The following SMARCAL1 variants were observed in gnomAD, a reference collection of about 807,000 sequenced individuals.
SMARCAL1 encodes ATP-driven annealing helicase.
Under a neutral mutation model 94.5 loss-of-function variants are expected in SMARCAL1, and 58 were observed. The ratio of observed to expected loss-of-function variants is 0.61; its 90% CI spans 0.50 to 0.76. The LOEUF (loss-of-function observed/expected upper bound fraction) is 0.76, where lower values mean the gene tolerates loss of function less well. Among genes scored for constraint, SMARCAL1 ranks in the 30% least tolerant of loss-of-function variants. The pLI is 0.00. For missense variants in SMARCAL1, 1,051 were observed against 1,177.9 expected (o/e 0.89, Z 1.58); for synonymous variants, 422 against 455.1 (o/e 0.93, Z 0.93).
At position 216,478,206 on chromosome 2, in the gene SMARCAL1, C is replaced by T. The variant is rs747379387; in HGVS notation, c.2532C>T (p.Pro844=). 3.7e-6 allele frequency: 6 copies of T among 1,614,006 alleles called. No homozygotes were observed. In the East Asian group the frequency reaches 1.1e-4, roughly 30 times the overall value. ...GCAGCTCATTTCTCCCCAACAGGCC[C>T]CTGATTCAAGAGAAGATTAAAGTTC... ...AKGTADDYLW[P]LIQEKIKVLA... is the part of the protein sequence containing the mutation. Residue 844 remains proline (P), a synonymous_variant, in exon 17 of 18, where the codon CCC becomes CCT. Transcript: ENST00000357276.
chr2:216,467,949 A>G lies in SMARCAL1; in HGVS notation c.2147A>G (p.Tyr716Cys), dbSNP rs758768369. Residue 716 changes from tyrosine (Y) to cysteine (C), a missense_variant, in exon 14 of 18, where the codon TAT (tyrosine) becomes TGT (cysteine). Coordinates refer to ENST00000357276, the MANE Select transcript of SMARCAL1 (RefSeq NM_014140.4). The stretch of plus-strand genomic sequence containing the variant: ...GTTGTCATTGTCAAATGCAGTGAAT[A>G]TATCTTGGACCTACTGGAAAGTGGA... ...AEAKIPSVIE[Y>C]ILDLLESGRE... The G allele has an allele frequency of 2.9e-5, 46 of 1,598,472 alleles. No homozygotes were observed. The highest frequency in any genetic ancestry group is 3.7e-5 in the Non-Finnish European group (43 of 1,165,922).
At chr2:216,449,287 C>T (rs1204062331) in intron 11 of SMARCAL1, among the ~76,000 whole-genome samples, 1 of 152,200 alleles carries the variant, frequency 6.6e-6, no homozygotes, top group Non-Finnish European at 1.5e-5. Flanking sequence ...TTGGGGGACA[C>T]ATTTAAGCCA....
At position 216,482,369 on chromosome 2, in the gene SMARCAL1, G is replaced by A. The variant is rs1329086977; in HGVS notation, c.2626-369G>A. Among the ~76,000 whole-genome samples, 1 of 152,182 alleles carries A rather than the reference G, an allele frequency of 6.6e-6. No homozygotes were observed. Among genetic ancestry groups the A allele is most frequent in the Non-Finnish European group, 1.5e-5 (1 of 68,036 alleles). On this transcript the variant is annotated intron_variant, in intron 17 of 17. Transcript: ENST00000357276. This position sits in a 1 kb window ranked among gnomAD's most constrained non-coding sequence, Gnocchi z 4.3. ...TATACCTTAACTGACCCTTAGTAGAGAAAGGCTTTGGAGGAAGTGAGATCT... is the reference window on the plus strand; with the variant it reads ...TATACCTTAACTGACCCTTAGTAGAAAAAGGCTTTGGAGGAAGTGAGATCT...
At chr2:216,435,636 T>C in intron 9 of SMARCAL1, 140 bp downstream of exon 9, 1 of 789,484 alleles carries the variant, frequency 1.3e-6, no homozygotes, top group East Asian at 2.7e-5. Flanking sequence ...CTTTATTTTG[T>C]GGGGAACTGG....
At position 216,478,291 on chromosome 2, in the gene SMARCAL1, C is replaced by T. The variant is rs935553158; in HGVS notation, c.2617C>T (p.Leu873Phe). Reference sequence around the variant, plus strand: ...AGAAATGACAGAATCCACTGATTACCTCTACAAGGTAATGCCAGCACATGG... The same window carrying T: ...AGAAATGACAGAATCCACTGATTACTTCTACAAGGTAATGCCAGCACATGG... Reference protein sequence around the residue: ...FSEMTESTDYLYKDPKQQKIY... With the variant: ...FSEMTESTDYFYKDPKQQKIY... Residue 873 changes from leucine to phenylalanine, a missense_variant, in exon 17 of 18, where the codon CTC becomes TTC. By Grantham distance (22) the Leu-to-Phe change is conservative. Coordinates refer to ENST00000357276, the MANE Select transcript of SMARCAL1 (RefSeq NM_014140.4). The T allele has an allele frequency of 1.9e-6, 3 of 1,612,136 alleles. No individual in the cohort carries two copies. The highest frequency in any genetic ancestry group is 2.5e-6 in the Non-Finnish European group (3 of 1,178,306).
At chr2:216,446,237 G>A (rs1037497426) in intron 10 of SMARCAL1, among the ~76,000 whole-genome samples, 2 of 152,124 alleles carry the variant, frequency 1.3e-5, no homozygotes, top group East Asian at 3.8e-4. Context: ...CATTGCTGTT[G>A]ACCAACTATT....
chr2:216,455,192 A>G (rs1359205975), intron 12 of SMARCAL1, among the ~76,000 whole-genome samples: 2 of 152,242 alleles, frequency 1.3e-5, no homozygotes, highest in African/African-American at 4.8e-5. Flanking sequence ...TAGGTAAACA[A>G]AGCAGCTGGG....
At chr2:216,421,517 C>T (rs1024957365) in intron 5 of SMARCAL1, among the ~76,000 whole-genome samples, 1 of 152,040 alleles carries the variant, frequency 6.6e-6, no homozygotes, top group Admixed American at 6.5e-5. Context: ...AGGCTTGTCT[C>T]GAACTTCTTC....
chr2:216,464,709 C>CTA, intron 13 of SMARCAL1, 42 bp downstream of exon 13: 1 of 813,258 alleles, frequency 1.2e-6, no homozygotes, highest in Non-Finnish European at 1.9e-6. Context: ...CTCTCATCTT[C>CTA]AAAAAAAAAA....
At chr2:216,451,949 C>T (rs1694459908) in intron 12 of SMARCAL1, among the ~76,000 whole-genome samples, 1 of 150,224 alleles carries the variant, frequency 6.7e-6, no homozygotes. Context: ...TGGGAGGTTA[C>T]AAAATAAATA....
rs970988060 is a variant in SMARCAL1, at chr2:216,475,641, A to G, written c.2427+190A>G. ...GTCTCTTTTTTTCTTTTTTTGAGAC[A>G]GAGTCTCTTATCACCCAGGCTGGAG... On this transcript the variant is annotated intron_variant, in intron 15 of 17. Coordinates refer to ENST00000357276, the MANE Select transcript of SMARCAL1 (RefSeq NM_014140.4). The surrounding 1 kb of genome is among the most constrained non-coding windows in gnomAD (Gnocchi z 4.4). Among the ~76,000 whole-genome samples, 11 of 151,990 alleles carry G rather than the reference A, an allele frequency of 7.2e-5. 1 individual carries two copies. The highest frequency in any genetic ancestry group is 2.7e-4 in the African/African-American group (11 of 41,372).
chr2:216,460,752 G>A (rs1486099740), intron 12 of SMARCAL1, among the ~76,000 whole-genome samples: 1 of 151,114 alleles, frequency 6.6e-6, no homozygotes, highest in Admixed American at 6.6e-5. Flanking sequence ...GAGTTAATGG[G>A]TGCAGCACAC....
chr2:216,472,043 T>G (rs1424261630), intron 14 of SMARCAL1, among the ~76,000 whole-genome samples: 1 of 152,124 alleles, frequency 6.6e-6, no homozygotes, highest in Non-Finnish European at 1.5e-5. Flanking sequence ...AGCTGTTGTA[T>G]GTATAATAAT....
In SMARCAL1 at chr2:216,482,431, A is replaced by G. The variant is rs1376909037; in HGVS notation, c.2626-307A>G. The stretch of plus-strand genomic sequence containing the variant: ...TCAGTATTGAAATAATGATTTGGAA[A>G]GTTCAAAGGGAGAAAACATTTCCAA... On this transcript the variant is annotated intron_variant, in intron 17 of 17. Coordinates refer to ENST00000357276, the MANE Select transcript of SMARCAL1 (RefSeq NM_014140.4). The surrounding 1 kb of genome is among the most constrained non-coding windows in gnomAD (Gnocchi z 4.3). 6.6e-6 allele frequency among the ~76,000 whole-genome samples: 1 copy of G among 152,216 alleles called. No individual in the cohort carries two copies. The highest frequency in any genetic ancestry group is 2.4e-5 in the African/African-American group (1 of 41,464).
At chr2:216,423,255 T>A (rs1381412111) in intron 5 of SMARCAL1, among the ~76,000 whole-genome samples, 1 of 152,126 alleles carries the variant, frequency 6.6e-6, no homozygotes, top group Non-Finnish European at 1.5e-5. Flanking sequence ...GATGAGAGGG[T>A]GCCACTGAGT....
intron 17 of SMARCAL1, 139 bp downstream of exon 17, chr2:216,478,438 C>T (rs1695135059): frequency 2.7e-6 from 2 of 731,428 alleles, no homozygotes; most frequent in Admixed American, 3.8e-5. Context: ...CAATGGCCTG[C>T]AGTCATTCTC....
chr2:216,482,006 T>C lies in SMARCAL1; in HGVS notation c.2626-732T>C, dbSNP rs1483575683. Reference sequence around the variant, plus strand: ...TTTAACACTACACCATTGTCATCAATGTATAGATGCAGTTGGTGGGTATTT... The same window carrying C: ...TTTAACACTACACCATTGTCATCAACGTATAGATGCAGTTGGTGGGTATTT... On this transcript the variant is annotated intron_variant, in intron 17 of 17. Coordinates refer to ENST00000357276, the MANE Select transcript of SMARCAL1 (RefSeq NM_014140.4). The surrounding 1 kb of genome is among the most constrained non-coding windows in gnomAD (Gnocchi z 4.3). 6.6e-6 allele frequency among the ~76,000 whole-genome samples: 1 copy of C among 152,226 alleles called. No individual in the cohort carries two copies. The highest frequency in any genetic ancestry group is 1.5e-5 in the Non-Finnish European group (1 of 68,040).
chr2:216,464,609 A>C lies in SMARCAL1; in HGVS notation c.2083A>C (p.Lys695Gln), dbSNP rs1694788304. The change falls in exon 13 of 18, where the codon AAA becomes CAA. Residue 695 changes from lysine (K) to glutamine (Q), a missense_variant. By Grantham distance (53) the Lys-to-Gln change is moderately conservative. This residue lies in a region of SMARCAL1 where 642 missense variants were observed against 754.7 expected (regional missense o/e 0.85). Transcript: ENST00000357276. ...TATCTTTCAACAGAAACAGCAGCAG[A>C]AAGATGCCCTCATTCTCTTCTTCAA... is the stretch of plus-strand genomic sequence containing the variant. ...TTKDKTKQQQ[K>Q]DALILFFNRT... 2 of 1,613,472 alleles carry C rather than the reference A, an allele frequency of 1.2e-6. No individual in the cohort carries two copies. The highest frequency in any genetic ancestry group is 1.7e-6 in the Non-Finnish European group (2 of 1,179,468).
Position 216,415,223 on chromosome 2 carries a change from C to T in SMARCAL1, c.519C>T (p.Ser173=). Residue 173 remains serine, a synonymous_variant, in exon 3 of 18, where the codon TCC becomes TCT. Coordinates refer to ENST00000357276, the MANE Select transcript of SMARCAL1 (RefSeq NM_014140.4). ...AGCCTCTGGCCAAACCAAAGAGTTC[C>T]CAAGAGACACCAGCTCATTCCTCTG... is the stretch of plus-strand genomic sequence containing the variant. ...THKPLAKPKS[S]QETPAHSSGQ... The T allele has an allele frequency of 6.2e-7, 1 of 1,614,190 alleles. No homozygotes were observed. The highest frequency in any genetic ancestry group is 8.5e-7 in the Non-Finnish European group (1 of 1,180,030).
Sources: gnomAD v4.1 joint callset for allele counts (sites outside exome capture counted in the v4.1 genomes callset) on GRCh38, gnomAD v4.1.1 for gene constraint, gnomAD v4.1.1 regional missense constraint, Gnocchi (gnomAD v3.1) non-coding constraint, MANE v1.5 for transcripts, NCBI Gene and HGNC (gene_info 2026-07-23, HGNC 2026-07-21) for gene names.